Variants in EFCC1 observed in about 807,000 individuals in gnomAD.
The protein encoded by EFCC1 is EF-hand and coiled-coil domain containing 1.
Under a neutral mutation model 52.1 loss-of-function variants are expected in EFCC1, and 50 were observed. The ratio of observed to expected loss-of-function variants is 0.96; its 90% CI spans 0.76 to 1.21. The LOEUF (loss-of-function observed/expected upper bound fraction) is 1.21, where lower values mean the gene tolerates loss of function less well. Ranked by LOEUF, EFCC1 falls within the 50% of genes most tolerant of loss-of-function variation. The pLI is 0.00. For synonymous variants in EFCC1, 399 were observed against 396.5 expected, an observed-to-expected ratio of 1.01 and a Z score of -0.08; for missense variants, 837 against 867.3, an observed-to-expected ratio of 0.97 and a Z score of 0.44.
chr3:129,026,959 T>G (rs1019225314), intron 2 of EFCC1, among the ~76,000 whole-genome samples: 8 of 152,182 alleles, frequency 5.3e-5, no homozygotes, highest in African/African-American at 1.9e-4. Flanking sequence ...AGCCCTGGCT[T>G]TAGGCAAAGC....
At chr3:129,036,874 C>T (rs1946360029) in intron 5 of EFCC1, 103 bp from the exon 6 acceptor site, 2 of 1,562,924 alleles carry the variant, frequency 1.3e-6, no homozygotes. Context: ...CTCAGCTTCT[C>T]TGGGCCTCAG....
At chr3:129,015,873 A>T (rs559606698) in intron 2 of EFCC1, among the ~76,000 whole-genome samples, 3 of 151,624 alleles carry the variant, frequency 2.0e-5, no homozygotes, top group Non-Finnish European at 2.9e-5. Context: ...AGGAAACGCC[A>T]TGCAGCAAAG....
chr3:129,021,166 CAT>C (rs754012295), intron 2 of EFCC1, among the ~76,000 whole-genome samples: 4 of 152,336 alleles, frequency 2.6e-5, no homozygotes, highest in Non-Finnish European at 5.9e-5. Flanking sequence ...CCAAACCCCA[CAT>C]GAGCTCCATG....
chr3:129,001,516 C>T lies in EFCC1; in HGVS notation c.-113C>T. On this transcript the variant is annotated 5_prime_UTR_variant, in exon 1 of 8. Coordinates refer to ENST00000683648, the MANE Select transcript of EFCC1 (RefSeq NM_001377500.1). ...GACACGGTCCCCGGCGCCGCTCCAACCAGACCGCGACCGCTAAGCCCCTCC... is the reference window on the plus strand; with the variant it reads ...GACACGGTCCCCGGCGCCGCTCCAATCAGACCGCGACCGCTAAGCCCCTCC... 1.5e-6 allele frequency: 2 copies of T among 1,327,960 alleles called. No homozygotes were observed. The allele number at this position is 1,327,960 out of a possible 1,614,324, so 82.3% of individuals were successfully genotyped here.
At chr3:129,033,386 A>G (rs936141304) in intron 4 of EFCC1, among the ~76,000 whole-genome samples, 1 of 152,136 alleles carries the variant, frequency 6.6e-6, no homozygotes, top group Non-Finnish European at 1.5e-5. Context: ...GGACAGGCCC[A>G]GGACACCTGG....
At chr3:129,032,508 G>A (rs1418119074) in intron 3 of EFCC1, among the ~76,000 whole-genome samples, 1 of 151,262 alleles carries the variant, frequency 6.6e-6, no homozygotes, top group African/African-American at 2.4e-5. Flanking sequence ...GCGAGACCCT[G>A]TCTCTAAAAA....
intron 5 of EFCC1, 54 bp from the exon 6 acceptor site, chr3:129,036,923 C>T: frequency 6.2e-7 from 1 of 1,611,208 alleles, no homozygotes; most frequent in Non-Finnish European, 8.5e-7. Flanking sequence ...ATCCTGCCAC[C>T]TGGAAGGCTG....
At chr3:129,008,538 A>G (rs993129944) in intron 2 of EFCC1, among the ~76,000 whole-genome samples, 1 of 152,244 alleles carries the variant, frequency 6.6e-6, no homozygotes, top group African/African-American at 2.4e-5. Context: ...TATGTAAGCA[A>G]TTGGAGACAT....
chr3:129,025,377 G>A (rs538218751), intron 2 of EFCC1, among the ~76,000 whole-genome samples: 2 of 152,284 alleles, frequency 1.3e-5, no homozygotes, highest in East Asian at 3.9e-4. Context: ...GCCACGGGAA[G>A]AGTGTGTAAG....
At chr3:129,006,611 C>T (rs532989063) in intron 2 of EFCC1, among the ~76,000 whole-genome samples, 45 of 152,232 alleles carry the variant, frequency 3.0e-4, no homozygotes, top group African/African-American at 8.9e-4. Context: ...CCACTGTGCC[C>T]GGCCAAAAGT....
chr3:129,004,826 C>T (rs953989995), intron 2 of EFCC1, among the ~76,000 whole-genome samples: 2 of 152,080 alleles, frequency 1.3e-5, no homozygotes, highest in African/African-American at 2.4e-5. Flanking sequence ...GTGCTAGCTC[C>T]ACCAGGGCAG....
intron 3 of EFCC1, among the ~76,000 whole-genome samples, chr3:129,032,462 A>G (rs1946291066): frequency 6.6e-6 from 1 of 152,004 alleles, no homozygotes; most frequent in African/African-American, 2.4e-5. Context: ...GCAGTGAGCT[A>G]TCATCACACC....
Position 129,001,825 on chromosome 3 carries a change from T to A in EFCC1, c.197T>A (p.Leu66Gln). 6.5e-7 allele frequency: 1 copy of A among 1,545,554 alleles called. No individual in the cohort carries two copies. The highest frequency in any genetic ancestry group is 8.7e-7 in the Non-Finnish European group (1 of 1,145,662). The part of the protein sequence containing the change: ...DQYLQEVFHH[L>Q]DCRGAGRLPR... The stretch of plus-strand genomic sequence containing the variant: ...TACCTGCAGGAGGTCTTCCACCACC[T>A]GGACTGCCGCGGCGCCGGCCGTCTG... Residue 66 changes from leucine (L) to glutamine (Q), a missense_variant, in exon 1 of 8, where the codon CTG becomes CAG. By Grantham distance (113) the Leu-to-Gln change is moderately radical. Coordinates refer to ENST00000683648, the MANE Select transcript of EFCC1 (RefSeq NM_001377500.1).
chr3:129,039,850 G>T lies in EFCC1; in HGVS notation c.*2G>T. On this transcript the variant is annotated 3_prime_UTR_variant, in exon 8 of 8. Transcript: ENST00000683648. ...AACCCCCTCCTCGTCTCCTGCTGAG[G>T]TTACTGGCCCACCCTGTGGGCACCC... is the stretch of plus-strand genomic sequence containing the variant. 1 of 1,599,556 alleles carries T rather than the reference G, an allele frequency of 6.3e-7. No individual in the cohort carries two copies. Among genetic ancestry groups the T allele is most frequent in the Non-Finnish European group, 8.5e-7 (1 of 1,170,114 alleles).
At chr3:129,007,581 C>T (rs754448496) in intron 2 of EFCC1, among the ~76,000 whole-genome samples, 2 of 152,242 alleles carry the variant, frequency 1.3e-5, no homozygotes, top group Non-Finnish European at 2.9e-5. Flanking sequence ...TACTGACTCA[C>T]GCTGATCTTC....
intron 2 of EFCC1, among the ~76,000 whole-genome samples, chr3:129,028,967 C>T (rs1401091577): frequency 1.3e-5 from 2 of 152,114 alleles, no homozygotes; most frequent in African/African-American, 2.4e-5. Flanking sequence ...AGGTTTTCTT[C>T]GTGCAGCAGA....
intron 7 of EFCC1, among the ~76,000 whole-genome samples, 200 bp downstream of exon 7, chr3:129,039,100 C>T (rs1290220069): frequency 1.3e-5 from 2 of 152,214 alleles, no homozygotes; most frequent in Non-Finnish European, 2.9e-5. Flanking sequence ...CAGACAGAAG[C>T]CCAGTGAGGG....
Position 129,020,698 on chromosome 3 carries a change from G to C in EFCC1, c.981-10005G>C, listed in dbSNP as rs144419113. ...TCAAAGAGGTGAAAGACTTGGTAAG[G>C]CACGCTTATTGGAGTGGCTGGCCCA... On this transcript the variant is annotated intron_variant, in intron 2 of 7. Coordinates refer to ENST00000683648, the MANE Select transcript of EFCC1 (RefSeq NM_001377500.1). 1.7e-4 allele frequency among the ~76,000 whole-genome samples: 26 copies of C among 152,288 alleles called. No homozygotes were observed. The East Asian group carries it at 1.7e-3, about 10-fold the overall frequency.
At chr3:129,031,860 T>C (rs972238215) in intron 3 of EFCC1, among the ~76,000 whole-genome samples, 1 of 152,136 alleles carries the variant, frequency 6.6e-6, no homozygotes, top group Admixed American at 6.5e-5. Context: ...GTCCAAGTCT[T>C]GGGTTAACTC....
Sources: gnomAD v4.1 joint callset for allele counts (sites outside exome capture counted in the v4.1 genomes callset) on GRCh38, gnomAD v4.1.1 for gene constraint, MANE v1.5 for transcripts, NCBI Gene and HGNC (gene_info 2026-07-23, HGNC 2026-07-21) for gene names.